FRYL: variants seen among roughly 807,000 people sequenced by gnomAD.
FRYL encodes protein furry homolog-like.
FRYL carries 150 observed loss-of-function variants against 351.2 expected under a neutral mutation model. The ratio of observed to expected loss-of-function variants is 0.43; its 90% CI spans 0.37 to 0.49. The LOEUF (loss-of-function observed/expected upper bound fraction) is 0.49. Ranked by LOEUF, FRYL falls within the 20% of genes least tolerant of loss-of-function variation. The pLI is 0.00. For missense variants in FRYL, 3,036 were observed against 3,619.3 expected (o/e 0.84, Z 4.13); for synonymous variants, 1,153 against 1,257.1 (o/e 0.92, Z 1.75).
At chr4:48,632,590 A>T (rs959334446) in intron 4 of FRYL, among the ~76,000 whole-genome samples, 5 of 151,130 alleles carry the variant, frequency 3.3e-5, no homozygotes, top group African/African-American at 1.2e-4. Flanking sequence ...TACATTATAC[A>T]ATATACACAA....
At chr4:48,663,647 C>T (rs371989939) in intron 3 of FRYL, among the ~76,000 whole-genome samples, 2 of 151,296 alleles carry the variant, frequency 1.3e-5, no homozygotes, top group East Asian at 1.9e-4. Context: ...TGGTAGCGGG[C>T]GCCTGTAGTC....
intron 1 of FRYL, among the ~76,000 whole-genome samples, chr4:48,761,038 TGTG>T (rs1774368586): frequency 6.6e-6 from 1 of 151,576 alleles, no homozygotes; most frequent in East Asian, 1.9e-4. Flanking sequence ...TGTGTGTGTG[TGTG>T]TGTGTGTGTT....
chr4:48,744,533 G>A (rs1303298813), intron 1 of FRYL, among the ~76,000 whole-genome samples: 1 of 152,158 alleles, frequency 6.6e-6, no homozygotes, highest in Admixed American at 6.5e-5. Context: ...ACAAATAGTT[G>A]CATATGCCTG....
At chr4:48,640,019 G>A (rs1019542397) in intron 3 of FRYL, among the ~76,000 whole-genome samples, 12 of 152,152 alleles carry the variant, frequency 7.9e-5, no homozygotes, top group African/African-American at 2.7e-4. Flanking sequence ...AAATGCGGGT[G>A]AGGACGTGGA....
intron 3 of FRYL, among the ~76,000 whole-genome samples, chr4:48,639,038 T>A (rs1429674709): frequency 6.6e-6 from 1 of 151,924 alleles, no homozygotes; most frequent in Non-Finnish European, 1.5e-5. Flanking sequence ...CAAACCAACA[T>A]GGCATGTGTA....
At chr4:48,745,702 T>A (rs1166370091) in intron 1 of FRYL, among the ~76,000 whole-genome samples, 2 of 152,074 alleles carry the variant, frequency 1.3e-5, no homozygotes, top group African/African-American at 2.4e-5. Flanking sequence ...TGTATACATA[T>A]GTAACAAACC....
At chr4:48,757,154 A>C (rs1181449501) in intron 1 of FRYL, among the ~76,000 whole-genome samples, 2 of 152,228 alleles carry the variant, frequency 1.3e-5, no homozygotes, top group Non-Finnish European at 2.9e-5. Context: ...ATGTAAAAGA[A>C]ACAGGCTGCT....
chr4:48,557,305 TA>T (rs1223921035), intron 34 of FRYL, 147 bp downstream of exon 34: 32 of 1,211,914 alleles, frequency 2.6e-5, no homozygotes, highest in Admixed American at 1.4e-4. Context: ...ATGGTTTTAG[TA>T]AAAAAAATTC....
chr4:48,772,212 T>C (rs1248085455), intron 1 of FRYL, among the ~76,000 whole-genome samples: 1 of 152,228 alleles, frequency 6.6e-6, no homozygotes, highest in African/African-American at 2.4e-5. Context: ...TTCCATTAAC[T>C]ATACTTTACA....
intron 2 of FRYL, among the ~76,000 whole-genome samples, chr4:48,689,821 C>T (rs1321677636): frequency 1.3e-5 from 2 of 152,014 alleles, no homozygotes; most frequent in Admixed American, 1.3e-4. Flanking sequence ...GGATTAAGAG[C>T]CTCTGATAAA....
At chr4:48,547,378 C>A (rs375105786) in intron 41 of FRYL, 1 of 369,410 alleles carries the variant, frequency 2.7e-6, no homozygotes, top group Non-Finnish European at 4.8e-6. Context: ...CGATAAAGAT[C>A]GTTCGAGGTA....
chr4:48,706,742 T>C (rs147306259), intron 2 of FRYL, among the ~76,000 whole-genome samples: 1 of 152,164 alleles, frequency 6.6e-6, no homozygotes, highest in Non-Finnish European at 1.5e-5. Context: ...TTGGTTTCCA[T>C]CTTGGATGCC....
At chr4:48,598,027 T>C (rs1288348367) in intron 13 of FRYL, among the ~76,000 whole-genome samples, 4 of 152,334 alleles carry the variant, frequency 2.6e-5, no homozygotes, top group East Asian at 3.9e-4. Flanking sequence ...CAGTCAAATA[T>C]AGTCTTTGGC....
intron 41 of FRYL, 53 bp downstream of exon 41, chr4:48,547,531 C>A: frequency 9.4e-7 from 1 of 1,061,022 alleles, no homozygotes; most frequent in Non-Finnish European, 1.3e-6. Flanking sequence ...ATGCAGGATT[C>A]CAAATTAATA....
intron 3 of FRYL, among the ~76,000 whole-genome samples, chr4:48,654,237 A>T (rs1290309399): frequency 6.6e-6 from 1 of 151,798 alleles, no homozygotes; most frequent in East Asian, 1.9e-4. Flanking sequence ...GAAATTTTTT[A>T]AAAAATAAAT....
At chr4:48,600,034 G>A (rs1341692828) in intron 13 of FRYL, among the ~76,000 whole-genome samples, 1 of 151,860 alleles carries the variant, frequency 6.6e-6, no homozygotes, top group Non-Finnish European at 1.5e-5. Context: ...TTGAGTCCGG[G>A]AGGTGAAGCC....
intron 3 of FRYL, among the ~76,000 whole-genome samples, chr4:48,663,218 A>G (rs902143581): frequency 3.9e-4 from 60 of 152,098 alleles, no homozygotes; most frequent in African/African-American, 1.4e-3. Context: ...ACAGAAGTAT[A>G]AGGTTTCAGG....
chr4:48,748,828 A>G (rs1270909233), intron 1 of FRYL, among the ~76,000 whole-genome samples: 11 of 152,222 alleles, frequency 7.2e-5, no homozygotes, highest in Non-Finnish European at 1.6e-4. Flanking sequence ...GGTAAGAATC[A>G]TGCAGTGGCC....
At chr4:48,542,219 T>A in intron 44 of FRYL, 98 bp from the exon 45 acceptor site, 1 of 812,138 alleles carries the variant, frequency 1.2e-6, no homozygotes. Context: ...AAACTCCATG[T>A]TATGTTACAA....
Sources: allele counts gnomAD v4.1 joint callset (sites outside exome capture counted in the v4.1 genomes callset), GRCh38; gene constraint gnomAD v4.1.1; transcripts MANE v1.5; gene names NCBI Gene and HGNC (gene_info 2026-07-23, HGNC 2026-07-21).